Variants in SUMF1 observed in about 807,000 individuals in gnomAD.
The protein encoded by SUMF1 is formylglycine-generating enzyme.
In SUMF1, 48 loss-of-function variants were observed where a neutral mutation model predicts 47.6. The observed-to-expected ratio is 1.01, with a 90% CI of 0.80 to 1.28. SUMF1 has a LOEUF of 1.28. SUMF1 is among the 50% of genes most tolerant of loss of function. SUMF1 has a pLI of 0.00. For synonymous variants in SUMF1, 230 were observed against 192.1 expected (o/e 1.20, Z -1.63); for missense variants, 571 against 485.4 (o/e 1.18, Z -1.66).
intron 4 of SUMF1, among the ~76,000 whole-genome samples, chr3:4,418,794 A>G (rs1701801102): frequency 6.6e-6 from 1 of 152,118 alleles, no homozygotes; most frequent in African/African-American, 2.4e-5. Flanking sequence ...TTCCTCTACA[A>G]GAGGCCGGTC....
At chr3:4,397,616 T>G (rs770279599) in intron 7 of SUMF1, among the ~76,000 whole-genome samples, 1 of 152,184 alleles carries the variant, frequency 6.6e-6, no homozygotes, top group African/African-American at 2.4e-5. Flanking sequence ...TTTGGACGTT[T>G]TGAAAGTGGA....
intron 8 of SUMF1, among the ~76,000 whole-genome samples, chr3:4,149,689 T>C (rs1404932551): frequency 1.3e-5 from 2 of 152,160 alleles, no homozygotes; most frequent in Admixed American, 1.3e-4. Flanking sequence ...TCTATGGCCA[T>C]ATACTACTAT....
At chr3:4,107,409 C>T (rs1693183338) in intron 8 of SUMF1, among the ~76,000 whole-genome samples, 1 of 152,114 alleles carries the variant, frequency 6.6e-6, no homozygotes, top group Non-Finnish European at 1.5e-5. Flanking sequence ...CTGAGGCTCA[C>T]TCACACAGCT....
At chr3:4,273,776 G>GGGGAGGATACGGGA (rs1559640420) in intron 8 of SUMF1, among the ~76,000 whole-genome samples, 8 of 89,580 alleles carry the variant, frequency 8.9e-5, no homozygotes, top group East Asian at 4.9e-4. Flanking sequence ...GGATACGGGA[G>GGGGAGGATACGGGA]GGGAGGATAC....
chr3:4,272,741 C>T (rs1697328810), intron 8 of SUMF1, among the ~76,000 whole-genome samples: 1 of 152,044 alleles, frequency 6.6e-6, no homozygotes, highest in Non-Finnish European at 1.5e-5. Context: ...ATGATGCAGC[C>T]ACGGTGGAAA....
chr3:4,431,901 GAAT>G (rs1702245668), intron 3 of SUMF1, among the ~76,000 whole-genome samples: 3 of 152,116 alleles, frequency 2.0e-5, no homozygotes, highest in Non-Finnish European at 4.4e-5. Flanking sequence ...GTCAGTCTAT[GAAT>G]AGATGGTCCC....
intron 8 of SUMF1, among the ~76,000 whole-genome samples, chr3:4,128,146 T>C (rs1693698945): frequency 1.3e-5 from 2 of 152,142 alleles, no homozygotes; most frequent in African/African-American, 4.8e-5. Context: ...CTGCTAAGAT[T>C]GCCCTGAGTA....
At chr3:4,357,756 C>A (rs1459052910), downstream of SUMF1, among the ~76,000 whole-genome samples, 1 of 151,788 alleles carries the variant, frequency 6.6e-6, no homozygotes, top group Non-Finnish European at 1.5e-5. Context: ...TACAGGCATG[C>A]ACCAACAAGC....
chr3:4,165,926 C>A (rs763728100), intron 8 of SUMF1, among the ~76,000 whole-genome samples: 2 of 143,688 alleles, frequency 1.4e-5, no homozygotes, highest in African/African-American at 2.6e-5. Flanking sequence ...AATAGTTGTG[C>A]TCACTGATGC....
intron 8 of SUMF1, among the ~76,000 whole-genome samples, chr3:4,325,608 T>TACAC (rs139250144): frequency 0.17 from 24,972 of 149,264 alleles, 2,109 homozygotes; most frequent in Middle Eastern, 0.21. Flanking sequence ...TATATATGTG[T>TACAC]ACACACACAC....
intron 8 of SUMF1, among the ~76,000 whole-genome samples, chr3:4,263,043 T>A (rs1697118642): frequency 6.6e-6 from 1 of 152,158 alleles, no homozygotes; most frequent in Non-Finnish European, 1.5e-5. Flanking sequence ...TATTATATTG[T>A]CTTTATTTTT....
At chr3:4,182,770 C>CA (rs982165707) in intron 8 of SUMF1, among the ~76,000 whole-genome samples, 1 of 152,090 alleles carries the variant, frequency 6.6e-6, no homozygotes, top group African/African-American at 2.4e-5. Flanking sequence ...GGAGAGTCAT[C>CA]ATGGTTAATA....
chr3:4,080,374 G>C (rs73806862), intron 8 of SUMF1, among the ~76,000 whole-genome samples: 1 of 152,104 alleles, frequency 6.6e-6, no homozygotes, highest in Non-Finnish European at 1.5e-5. Context: ...CACTGGCCAA[G>C]CTGGTATTGA....
intron 8 of SUMF1, among the ~76,000 whole-genome samples, chr3:4,291,999 G>C (rs890926505): frequency 6.6e-6 from 1 of 152,172 alleles, no homozygotes; most frequent in Admixed American, 6.5e-5. Flanking sequence ...AACTATGTTT[G>C]AGGATCAGCC....
intron 8 of SUMF1, among the ~76,000 whole-genome samples, chr3:4,153,526 T>TTG (rs1256805577): frequency 6.7e-6 from 1 of 150,194 alleles, no homozygotes; most frequent in Non-Finnish European, 1.5e-5. Flanking sequence ...TTGTAGGTTT[T>TTG]TTTTTTTTTT....
Position 4,306,582 on chromosome 3 carries a change from G to C in SUMF1, c.1014+69748C>G, listed in dbSNP as rs140183409. The stretch of plus-strand genomic sequence containing the variant: ...AATAAGACAGGATGCCTTCCTAAGA[G>C]AGCTTATTGTCTTTCTTACCAAGAA... On this transcript the variant is annotated intron_variant and NMD_transcript_variant, in intron 8 of 12. Coordinates refer to the SUMF1 transcript ENST00000448413. Among the ~76,000 whole-genome samples, 104 of 152,286 alleles carry C rather than the reference G, an allele frequency of 6.8e-4. 2 individuals are homozygous for C. Among genetic ancestry groups the C allele is most frequent in the African/African-American group, 2.4e-3 (98 of 41,560 alleles).
At chr3:4,353,054 A>C (rs2125158437) in intron 8 of SUMF1, among the ~76,000 whole-genome samples, 1 of 152,266 alleles carries the variant, frequency 6.6e-6, no homozygotes, top group South Asian at 2.1e-4. Flanking sequence ...GAAATCATTG[A>C]GGACCCCACA....
intron 8 of SUMF1, among the ~76,000 whole-genome samples, chr3:4,138,848 G>C (rs1261972461): frequency 6.6e-6 from 1 of 152,038 alleles, no homozygotes; most frequent in African/African-American, 2.4e-5. Context: ...TCTGAGGATG[G>C]TCATGGGAAC....
At chr3:4,320,886 A>G (rs888314769) in intron 8 of SUMF1, among the ~76,000 whole-genome samples, 3 of 152,188 alleles carry the variant, frequency 2.0e-5, no homozygotes, top group Non-Finnish European at 1.5e-5. Flanking sequence ...AGAGAAAGCC[A>G]GACAGGCCTC....
Sources: gnomAD v4.1 joint callset for allele counts (sites outside exome capture counted in the v4.1 genomes callset) on GRCh38, gnomAD v4.1.1 for gene constraint, MANE v1.5 for transcripts, NCBI Gene and HGNC (gene_info 2026-07-23, HGNC 2026-07-21) for gene names.